The following ATRN variants were observed in gnomAD, a reference collection of about 807,000 sequenced individuals.
ATRN encodes attractin-2.
ATRN carries 54 observed loss-of-function variants against 178.7 expected under a neutral mutation model. The ratio of observed to expected loss-of-function variants is 0.30; its 90% CI spans 0.24 to 0.38. The LOEUF is 0.38. Ranked by LOEUF, ATRN falls within the 10% of genes least tolerant of loss-of-function variation. The probability of loss-of-function intolerance (pLI) is 1.00; values close to 1 mark genes in which losing one functional copy is unlikely to be tolerated. For missense variants in ATRN, 1,443 were observed against 1,815.1 expected (o/e 0.79, Z 3.73); for synonymous variants, 636 against 663.0 (o/e 0.96, Z 0.63).
At chr20:3,630,020 C>T (rs1192451981) in intron 25 of ATRN, among the ~76,000 whole-genome samples, 1 of 152,154 alleles carries the variant, frequency 6.6e-6, no homozygotes, top group Non-Finnish European at 1.5e-5. Flanking sequence ...ATCTCCAGCC[C>T]CTTTCCCCTT....
intron 3 of ATRN, among the ~76,000 whole-genome samples, chr20:3,542,591 TCCCTTCCCCTTCCCCCTTCC>T: frequency 1.1e-5 from 1 of 91,646 alleles, no homozygotes; most frequent in South Asian, 4.4e-4. Flanking sequence ...CTTCCCCTTC[TCCCTTCCCCTTCCCCCTTCC>T]CCCTTCCCCT....
chr20:3,596,444 A>C lies in ATRN; in HGVS notation c.3469+15A>C. 1 of 1,609,456 alleles carries C rather than the reference A, an allele frequency of 6.2e-7. No homozygotes were observed. ...AACATGTTATTGTAAGTGGTTTTGC[A>C]ATTCTTATTTCTAGAAGCAAAGTAG... On this transcript the variant is annotated intron_variant, in intron 21 of 28. Coordinates refer to ENST00000262919, the MANE Select transcript of ATRN (RefSeq NM_139321.3).
rs887855735 is a variant in ATRN, at chr20:3,634,536, C to T, written c.3942+147C>T. ...GAATAATGCAGCCCTTTCTGCAGTC[C>T]ATGGTTCTGCAGCATATGGTCAGTA... On this transcript the variant is annotated intron_variant, in intron 26 of 28. Transcript: ENST00000262919. The T allele has an allele frequency of 9.3e-6, 6 of 648,452 alleles. No individual in the cohort carries two copies. The South Asian group carries it at 1.3e-4, about 14-fold the overall frequency. The allele number at this position is 648,452 out of a possible 1,614,324, so 40.2% of individuals were successfully genotyped here.
intron 6 of ATRN, 49 bp downstream of exon 6, chr20:3,549,387 A>G: frequency 1.4e-6 from 2 of 1,425,094 alleles, no homozygotes; most frequent in Non-Finnish European, 1.9e-6. Flanking sequence ...TTTATTTTGA[A>G]AATTTATAAA....
At chr20:3,512,786 T>G (rs1050870775) in intron 1 of ATRN, among the ~76,000 whole-genome samples, 2 of 152,234 alleles carry the variant, frequency 1.3e-5, no homozygotes, top group Non-Finnish European at 2.9e-5. Flanking sequence ...CCTGACTTTT[T>G]AATGATCGCC....
In ATRN at chr20:3,576,863, C is replaced by T. The variant is rs2086219372; in HGVS notation, c.2219C>T (p.Ser740Phe). Residue 740 changes from serine (S) to phenylalanine (F), a missense_variant, in exon 14 of 29, where the codon TCC becomes TTC. By Grantham distance (155) the Ser-to-Phe change is radical. Coordinates refer to ENST00000262919, the MANE Select transcript of ATRN (RefSeq NM_139321.3). ...CTTTTGTCCACTGTGTTCTAGATCT[C>T]CATTTTTAGGTATGAGAATTGCCCC... Reference protein sequence around the residue: ...RNHSCSEGQISIFRYENCPKD... With the variant: ...RNHSCSEGQIFIFRYENCPKD... 1 of 1,614,036 alleles carries T rather than the reference C, an allele frequency of 6.2e-7. No homozygotes were observed. The highest frequency in any genetic ancestry group is 1.7e-5 in the Admixed American group (1 of 59,996).
At chr20:3,542,160 A>G (rs2085631697) in intron 3 of ATRN, among the ~76,000 whole-genome samples, 1 of 152,240 alleles carries the variant, frequency 6.6e-6, no homozygotes, top group Non-Finnish European at 1.5e-5. Flanking sequence ...TTATGCCAGC[A>G]TTTGAAACAT....
intron 26 of ATRN, 101 bp downstream of exon 26, chr20:3,634,490 A>C: frequency 1.0e-6 from 1 of 1,004,384 alleles, no homozygotes. Context: ...GATAATGGAC[A>C]GACAGACATC....
chr20:3,581,727 A>G (rs910258466), intron 15 of ATRN, among the ~76,000 whole-genome samples: 1 of 152,190 alleles, frequency 6.6e-6, no homozygotes, highest in African/African-American at 2.4e-5. Context: ...TCATATAGAC[A>G]TTTCAGAACT....
chr20:3,575,690 A>G (rs1447095385), intron 12 of ATRN, 137 bp from the exon 13 acceptor site: 5 of 964,764 alleles, frequency 5.2e-6, no homozygotes, highest in Admixed American at 2.4e-5. Flanking sequence ...TAACCAGAAC[A>G]TACCAAATAT....
At chr20:3,564,306 A>G (rs235573) in intron 10 of ATRN, among the ~76,000 whole-genome samples, 121,559 of 152,174 alleles carry the variant, frequency 0.8, 48,869 homozygotes, top group East Asian at 1. Flanking sequence ...CATGGAGGGT[A>G]GAGTGATAAA....
At chr20:3,525,470 T>G (rs1425163204) in intron 1 of ATRN, among the ~76,000 whole-genome samples, 1 of 151,924 alleles carries the variant, frequency 6.6e-6, no homozygotes, top group Non-Finnish European at 1.5e-5. Context: ...CTACCAGAGG[T>G]ACAAAGAGGA....
chr20:3,629,065 G>C (rs1241054343), intron 25 of ATRN: 1 of 985,034 alleles, frequency 1.0e-6, no homozygotes, highest in African/African-American at 1.8e-5. Context: ...CACTTCTCTT[G>C]CTTTCACTCA....
intron 6 of ATRN, among the ~76,000 whole-genome samples, chr20:3,554,352 T>TA (rs35962849): frequency 2.0e-5 from 3 of 151,164 alleles, no homozygotes; most frequent in Admixed American, 6.6e-5. Context: ...TTTATTTATT[T>TA]TGAAATGGAG....
chr20:3,625,708 C>G (rs201875976), intron 25 of ATRN, among the ~76,000 whole-genome samples: 2 of 152,096 alleles, frequency 1.3e-5, no homozygotes, highest in Admixed American at 1.3e-4. Flanking sequence ...CCTCCTGCCC[C>G]CAAGTGCACT....
chr20:3,476,281 A>G (rs2084528965), intron 1 of ATRN, among the ~76,000 whole-genome samples: 1 of 152,222 alleles, frequency 6.6e-6, no homozygotes, highest in African/African-American at 2.4e-5. Flanking sequence ...AACTTGTCCA[A>G]GGTCACAGAA....
At chr20:3,558,579 CT>C (rs2085909840) in intron 6 of ATRN, among the ~76,000 whole-genome samples, 1 of 151,210 alleles carries the variant, frequency 6.6e-6, no homozygotes, top group Admixed American at 6.6e-5. Flanking sequence ...AAAATCAACA[CT>C]TTATTAACAG....
At chr20:3,523,019 C>T (rs1268779381) in intron 1 of ATRN, among the ~76,000 whole-genome samples, 1 of 152,054 alleles carries the variant, frequency 6.6e-6, no homozygotes, top group Non-Finnish European at 1.5e-5. Context: ...TCCAGAGGAT[C>T]ACAACTCCTC....
At position 3,511,086 on chromosome 20, in the gene ATRN, A is replaced by G. The variant is rs765342379; in HGVS notation, c.411-24167A>G. Among the ~76,000 whole-genome samples, 10 of 152,350 alleles carry G rather than the reference A, an allele frequency of 6.6e-5. No homozygotes were observed. The Middle Eastern group carries it at 0.01, about 155-fold the overall frequency. On this transcript the variant is annotated intron_variant, in intron 1 of 28. Transcript: ENST00000262919. ...ATGGCGATGAAAGTATTATCTGTCA[A>G]ACCTTTGAGATACAGCTAATGGCAT...
Sources: gnomAD v4.1 joint callset for allele counts (sites outside exome capture counted in the v4.1 genomes callset) on GRCh38, gnomAD v4.1.1 for gene constraint, MANE v1.5 for transcripts, NCBI Gene and HGNC (gene_info 2026-07-23, HGNC 2026-07-21) for gene names.